Variants in GOLGA4 observed in about 807,000 individuals in gnomAD.
The protein encoded by GOLGA4 is golgin A4, also known as golgin subfamily A member 4.
Under a neutral mutation model 265.9 loss-of-function variants are expected in GOLGA4, and 169 were observed. The ratio of observed to expected loss-of-function variants is 0.64; its 90% confidence interval spans 0.56 to 0.72. The LOEUF is 0.72. Ranked by LOEUF, GOLGA4 falls within the 30% of genes least tolerant of loss-of-function variation. The pLI, the probability that GOLGA4 is intolerant of heterozygous loss-of-function variation, is 0.00. For missense variants in GOLGA4, 2,482 were observed against 2,483.4 expected (o/e 1.00, Z 0.01); for synonymous variants, 923 against 855.8 (o/e 1.08, Z -1.37).
intron 12 of GOLGA4, chr3:37,319,401 T>A (rs1401591514): frequency 3.0e-6 from 1 of 328,778 alleles, no homozygotes; most frequent in East Asian, 5.5e-5. Context: ...TAACACACTT[T>A]CTTTTTTTTA....
In GOLGA4 at chr3:37,261,829, C is replaced by T. The variant is rs181192923; in HGVS notation, c.162+10345C>T. Among the ~76,000 whole-genome samples the T allele has an allele frequency of 9.2e-5, 14 of 152,156 alleles. No homozygotes were observed. The East Asian group carries it at 1.7e-3, about 19-fold the overall frequency. On this transcript the variant is annotated intron_variant, in intron 2 of 23. Coordinates refer to ENST00000361924, the MANE Select transcript of GOLGA4 (RefSeq NM_002078.5). ...TGACCAAGAATCGAATCCAGCCTCA[C>T]ATTATCTTAGTGATTGAGTTTGTGA...
chr3:37,361,129 G>A (rs1264633028), intron 22 of GOLGA4, 114 bp from the exon 23 acceptor site: 2 of 824,664 alleles, frequency 2.4e-6, no homozygotes, highest in Non-Finnish European at 4.1e-6. Context: ...GGAGATTTGA[G>A]AAAAATTTAA....
chr3:37,258,309 G>T (rs1050457258), intron 2 of GOLGA4, among the ~76,000 whole-genome samples: 22 of 149,460 alleles, frequency 1.5e-4, no homozygotes, highest in African/African-American at 3.7e-4. Flanking sequence ...TATATATATA[G>T]AGAGCATATA....
At chr3:37,357,603 C>G (rs889146589) in intron 22 of GOLGA4, among the ~76,000 whole-genome samples, 1 of 152,058 alleles carries the variant, frequency 6.6e-6, no homozygotes, top group Admixed American at 6.6e-5. Flanking sequence ...TAAGGAGATT[C>G]TTGATACTTG....
chr3:37,296,352 C>A, intron 7 of GOLGA4, 133 bp downstream of exon 7: 1 of 778,788 alleles, frequency 1.3e-6, no homozygotes, highest in Non-Finnish European at 2.0e-6. Flanking sequence ...TTGAGACCAG[C>A]CTGGGCAACA....
At chr3:37,312,531 T>G (rs2096925851) in intron 10 of GOLGA4, among the ~76,000 whole-genome samples, 1 of 140,922 alleles carries the variant, frequency 7.1e-6, no homozygotes, top group East Asian at 1.9e-4. Context: ...ATCTTTTTTT[T>G]TTTTTTTTGA....
intron 22 of GOLGA4, among the ~76,000 whole-genome samples, chr3:37,356,982 A>G (rs1363271714): frequency 1.3e-5 from 2 of 152,130 alleles, no homozygotes; most frequent in Non-Finnish European, 2.9e-5. Context: ...CCATATACAC[A>G]TGTAGTCTTT....
At chr3:37,276,253 C>T in intron 2 of GOLGA4, 1 of 1,559,032 alleles carries the variant, frequency 6.4e-7, no homozygotes, top group Non-Finnish European at 8.8e-7. Context: ...ACATGAAATA[C>T]AAAAATAGAG....
At chr3:37,348,725 T>A (rs1268759029) in intron 21 of GOLGA4, among the ~76,000 whole-genome samples, 3 of 152,218 alleles carry the variant, frequency 2.0e-5, no homozygotes, top group African/African-American at 7.2e-5. Flanking sequence ...AGGTTGTTAC[T>A]AAATAATTTA....
At chr3:37,312,556 C>CT (rs11480435) in intron 10 of GOLGA4, among the ~76,000 whole-genome samples, 62,022 of 149,176 alleles carry the variant, frequency 0.42, 13,425 homozygotes, top group Non-Finnish European at 0.45. Context: ...CAGGGTCTCA[C>CT]TTGTCACCTA....
At chr3:37,254,995 G>A (rs958737146) in intron 2 of GOLGA4, among the ~76,000 whole-genome samples, 3 of 150,022 alleles carry the variant, frequency 2.0e-5, no homozygotes, top group African/African-American at 7.3e-5. Flanking sequence ...TAGAACAATA[G>A]CATTTTAAAT....
chr3:37,347,409 A>G, intron 21 of GOLGA4, 113 bp downstream of exon 21: 1 of 570,636 alleles, frequency 1.8e-6, no homozygotes, highest in Non-Finnish European at 3.2e-6. Context: ...CAGACATGCT[A>G]ATAGTAGGTA....
chr3:37,296,047 T>C, intron 6 of GOLGA4, 40 bp from the exon 7 acceptor site: 2 of 1,562,570 alleles, frequency 1.3e-6, no homozygotes, highest in Non-Finnish European at 8.8e-7. Context: ...ACTCCCATAG[T>C]TTTTTTTGAC....
chr3:37,263,224 T>C (rs895174109), intron 2 of GOLGA4, among the ~76,000 whole-genome samples: 4 of 152,370 alleles, frequency 2.6e-5, no homozygotes, highest in East Asian at 3.9e-4. Flanking sequence ...GTAGGAGCAA[T>C]AGGCTCTACC....
chr3:37,290,698 C>A (rs902656619), intron 5 of GOLGA4, among the ~76,000 whole-genome samples: 5 of 152,144 alleles, frequency 3.3e-5, no homozygotes, highest in Non-Finnish European at 7.4e-5. Flanking sequence ...AACCTTAACT[C>A]CTGGTCTGCC....
intron 12 of GOLGA4, chr3:37,319,513 C>G (rs902984865): frequency 6.4e-6 from 1 of 157,238 alleles, no homozygotes; most frequent in Admixed American, 6.5e-5. Context: ...AAGTGATTCC[C>G]CTGCCTCAGC....
intron 2 of GOLGA4, among the ~76,000 whole-genome samples, chr3:37,263,024 C>T (rs1283027990): frequency 1.3e-5 from 2 of 152,214 alleles, no homozygotes; most frequent in Non-Finnish European, 1.5e-5. Context: ...CTCACTGACT[C>T]ACCCAGAACA....
intron 2 of GOLGA4, among the ~76,000 whole-genome samples, chr3:37,257,896 T>TAC (rs146134790): frequency 0.046 from 4,450 of 97,670 alleles, 864 homozygotes; most frequent in African/African-American, 0.17. Flanking sequence ...TATATATACA[T>TAC]ATATATATAT....
At chr3:37,319,228 A>C in intron 12 of GOLGA4, 34 bp downstream of exon 12, 1 of 1,539,538 alleles carries the variant, frequency 6.5e-7, no homozygotes, top group Non-Finnish European at 8.8e-7. Context: ...TGCTATAGGT[A>C]TACTTCTCAG....
Sources: gnomAD v4.1 joint callset for allele counts (sites outside exome capture counted in the v4.1 genomes callset) on GRCh38, gnomAD v4.1.1 for gene constraint, MANE v1.5 for transcripts, NCBI Gene and HGNC (gene_info 2026-07-23, HGNC 2026-07-21) for gene names.